FAM114A1: variants seen among roughly 807,000 people sequenced by gnomAD.
FAM114A1 encodes the protein protein NOXP20.
In FAM114A1, 62 loss-of-function variants were observed where a neutral mutation model predicts 64.3. The observed-to-expected ratio is 0.96, with a 90% CI of 0.79 to 1.19. The LOEUF (loss-of-function observed/expected upper bound fraction) is 1.19, where lower values mean the gene tolerates loss of function less well. Ranked by LOEUF, FAM114A1 falls within the 50% of genes most tolerant of loss-of-function variation. The pLI is 0.00. For synonymous variants in FAM114A1, 254 were observed against 251.1 expected (o/e 1.01, Z -0.11); for missense variants, 645 against 676.3 (o/e 0.95, Z 0.51).
At position 38,943,617 on chromosome 4, in the gene FAM114A1, A is replaced by C; in HGVS notation, c.*60A>C. ...TGGCCGCCTTGCCTCAATATGTACCATTTAAGGGGATGTTCTCTGTGCGCC... is the reference window on the plus strand; with the variant it reads ...TGGCCGCCTTGCCTCAATATGTACCCTTTAAGGGGATGTTCTCTGTGCGCC... On this transcript the variant is annotated 3_prime_UTR_variant, in exon 15 of 15. Transcript: ENST00000358869. 1 of 1,414,604 alleles carries C rather than the reference A, an allele frequency of 7.1e-7. No individual in the cohort carries two copies. Among genetic ancestry groups the C allele is most frequent in the Non-Finnish European group, 1.0e-6 (1 of 1,001,452 alleles). The allele number at this position is 1,414,604 out of a possible 1,614,324, so 87.6% of individuals were successfully genotyped here.
intron 4 of FAM114A1, among the ~76,000 whole-genome samples, chr4:38,903,510 A>G (rs1407351928): frequency 6.6e-6 from 1 of 152,182 alleles, no homozygotes; most frequent in Non-Finnish European, 1.5e-5. Context: ...AGAAATCTAG[A>G]CGAGAATCAT....
intron 6 of FAM114A1, among the ~76,000 whole-genome samples, chr4:38,906,721 G>A (rs898377011): frequency 6.6e-6 from 1 of 152,122 alleles, no homozygotes; most frequent in African/African-American, 2.4e-5. Context: ...TTTTAGTAGA[G>A]ATGGGGTTTC....
chr4:38,892,058 T>A (rs1254867638), intron 4 of FAM114A1, among the ~76,000 whole-genome samples: 1 of 152,242 alleles, frequency 6.6e-6, no homozygotes, highest in African/African-American at 2.4e-5. Flanking sequence ...AGGAAGCTAA[T>A]CAGAGAGAGA....
At chr4:38,905,958 A>T in intron 6 of FAM114A1, 97 bp downstream of exon 6, 1 of 1,043,258 alleles carries the variant, frequency 9.6e-7, no homozygotes, top group Non-Finnish European at 1.4e-6. Flanking sequence ...CAGAGAAACG[A>T]TGGCCTTGCT....
chr4:38,906,501 T>G (rs1296085802), intron 6 of FAM114A1, among the ~76,000 whole-genome samples: 1 of 152,154 alleles, frequency 6.6e-6, no homozygotes, highest in African/African-American at 2.4e-5. Context: ...AGGTAGCTGG[T>G]CATCAGGGTC....
intron 8 of FAM114A1, among the ~76,000 whole-genome samples, chr4:38,921,862 C>T (rs1347277272): frequency 6.6e-6 from 1 of 151,388 alleles, no homozygotes; most frequent in Non-Finnish European, 1.5e-5. Context: ...TGATAACTGA[C>T]ATCTAGCAAG....
chr4:38,896,160 T>C (rs1716919517), intron 4 of FAM114A1, among the ~76,000 whole-genome samples: 1 of 152,166 alleles, frequency 6.6e-6, no homozygotes, highest in Non-Finnish European at 1.5e-5. Flanking sequence ...AATTTTGAAA[T>C]ATTGATGCTC....
chr4:38,939,906 T>A (rs71606140), intron 13 of FAM114A1, among the ~76,000 whole-genome samples: 2 of 134,128 alleles, frequency 1.5e-5, no homozygotes, highest in Admixed American at 1.5e-4. Context: ...TTTTTTTTTG[T>A]TAGACGGAGT....
At chr4:38,918,865 G>A (rs1241150296) in intron 8 of FAM114A1, among the ~76,000 whole-genome samples, 1 of 151,978 alleles carries the variant, frequency 6.6e-6, no homozygotes, top group Non-Finnish European at 1.5e-5. Flanking sequence ...AAAACCGGGT[G>A]AGCTGGCTGG....
chr4:38,868,195 G>C (rs1274137154), intron 1 of FAM114A1: 5 of 195,154 alleles, frequency 2.6e-5, no homozygotes, highest in Non-Finnish European at 4.5e-5. Context: ...TCCAGTCCTG[G>C]CACCAAGCAA....
chr4:38,893,101 G>A (rs2109613572), intron 4 of FAM114A1, among the ~76,000 whole-genome samples: 1 of 152,332 alleles, frequency 6.6e-6, no homozygotes, highest in East Asian at 1.9e-4. Context: ...TTCAAGTAGA[G>A]GCGCCTGTTT....
chr4:38,942,509 A>G (rs144542309), intron 14 of FAM114A1, among the ~76,000 whole-genome samples: 2 of 152,184 alleles, frequency 1.3e-5, no homozygotes, highest in African/African-American at 4.8e-5. Context: ...TTAACTTACC[A>G]TGTCAGGTAT....
Position 38,881,240 on chromosome 4 carries a change from C to G in FAM114A1, c.348+2814C>G, listed in dbSNP as rs532453216. Among the ~76,000 whole-genome samples, 13 of 152,184 alleles carry G rather than the reference C, an allele frequency of 8.5e-5. No homozygotes were observed. In the South Asian group the frequency reaches 2.7e-3, roughly 32 times the overall value. On this transcript the variant is annotated intron_variant, in intron 3 of 14. Coordinates refer to ENST00000358869, the MANE Select transcript of FAM114A1 (RefSeq NM_138389.4). The stretch of plus-strand genomic sequence containing the variant: ...ATCAGTATGCTTCTACCACATTTGC[C>G]TTAAATGTTTTGGTCAAATGGAATG...
intron 2 of FAM114A1, among the ~76,000 whole-genome samples, chr4:38,872,032 A>G (rs1303566787): frequency 1.3e-5 from 2 of 152,218 alleles, no homozygotes; most frequent in East Asian, 1.9e-4. Context: ...AGGCACCTGT[A>G]CGTTATTTCT....
intron 8 of FAM114A1, among the ~76,000 whole-genome samples, chr4:38,921,637 G>A (rs540046075): frequency 1.1e-4 from 17 of 152,268 alleles, no homozygotes; most frequent in African/African-American, 3.6e-4. Context: ...CAGGGAAGAC[G>A]TCAGTCCCAG....
At chr4:38,936,057 TTTTG>T (rs575636251) in intron 13 of FAM114A1, among the ~76,000 whole-genome samples, 9 of 152,058 alleles carry the variant, frequency 5.9e-5, no homozygotes, top group Admixed American at 2.0e-4. Context: ...TTTTCTTTGT[TTTTG>T]TTTGTTTGTT....
intron 3 of FAM114A1, among the ~76,000 whole-genome samples, chr4:38,881,138 T>C (rs112772160): frequency 0.043 from 6,525 of 151,800 alleles, 164 homozygotes; most frequent in Middle Eastern, 0.14. Flanking sequence ...TGAGCTGAGA[T>C]TGAGGCAGTG....
intron 3 of FAM114A1, among the ~76,000 whole-genome samples, chr4:38,891,206 G>T (rs1456758202): frequency 6.6e-6 from 1 of 152,140 alleles, no homozygotes; most frequent in Non-Finnish European, 1.5e-5. Context: ...TGAATCAAAG[G>T]TTTCTACCTT....
chr4:38,942,752 G>A (rs1292865803), intron 14 of FAM114A1, among the ~76,000 whole-genome samples: 2 of 152,176 alleles, frequency 1.3e-5, no homozygotes. Flanking sequence ...TTAGCTTTAT[G>A]TTGACCATTC....
Sources: allele counts gnomAD v4.1 joint callset (sites outside exome capture counted in the v4.1 genomes callset), GRCh38; gene constraint gnomAD v4.1.1; transcripts MANE v1.5; gene names NCBI Gene and HGNC (gene_info 2026-07-23, HGNC 2026-07-21).